Variants in TCF20 observed in about 807,000 individuals in gnomAD.
TCF20 encodes the protein transcription factor 20.
A neutral mutation model predicts 148.6 loss-of-function variants in TCF20; 3 were observed. The ratio of observed to expected loss-of-function variants is 0.02; its 90% confidence interval spans 0.01 to 0.05. The LOEUF (loss-of-function observed/expected upper bound fraction) is 0.05, where lower values mean the gene tolerates loss of function less well. Among genes scored for constraint, TCF20 ranks in the 10% least tolerant of loss-of-function variants. TCF20 has a pLI of 1.00. For missense variants in TCF20, 2,350 were observed against 2,429.3 expected (o/e 0.97, Z 0.69); for synonymous variants, 1,049 against 909.5 (o/e 1.15, Z -2.76).
At position 42,211,957 on chromosome 22, in the gene TCF20, C is replaced by T. The variant is rs1742234515; in HGVS notation, c.3349G>A (p.Glu1117Lys). The T allele has an allele frequency of 6.2e-7, 1 of 1,614,088 alleles. No individual in the cohort carries two copies. Among genetic ancestry groups the T allele is most frequent in the Admixed American group, 1.7e-5 (1 of 60,000 alleles). The change falls in exon 2 of 6, where the codon GAG becomes AAG. Residue 1117 changes from glutamate (E) to lysine (K), a missense_variant. By Grantham distance (56) the Glu-to-Lys change is moderately conservative. Transcript: ENST00000677622. ...TGCCTTGGACTCTTCCGTGGCCCCT[C>T]CTGCCTGTGCTGTGCTGCAGCAATT... is the stretch of plus-strand genomic sequence containing the variant. Reference protein sequence around the residue: ...GVIAAAQHRQEGPRKSPRQQQ... With the variant: ...GVIAAAQHRQKGPRKSPRQQQ...
At chr22:42,233,588 A>G (rs1421311273) in intron 1 of TCF20, among the ~76,000 whole-genome samples, 1 of 152,242 alleles carries the variant, frequency 6.6e-6, no homozygotes, top group Non-Finnish European at 1.5e-5. Context: ...GCATTACCAG[A>G]GTTATCTACC....
At chr22:42,264,491 A>T (rs1273494712) in intron 1 of TCF20, among the ~76,000 whole-genome samples, 1 of 152,202 alleles carries the variant, frequency 6.6e-6, no homozygotes, top group African/African-American at 2.4e-5. Context: ...TCACAAACCA[A>T]AAAGATATAA....
chr22:42,294,474 G>A (rs1385661450), intron 1 of TCF20, among the ~76,000 whole-genome samples: 1 of 152,202 alleles, frequency 6.6e-6, no homozygotes, highest in African/African-American at 2.4e-5. Flanking sequence ...CGTGGCAGAG[G>A]CAGGGAAGTC....
intron 2 of TCF20, 99 bp downstream of exon 2, chr22:42,209,552 T>G: frequency 1.5e-6 from 2 of 1,375,916 alleles, no homozygotes; most frequent in Non-Finnish European, 2.0e-6. Context: ...CACTTTAATT[T>G]GGAGGAATAA....
rs200904088 is a variant in TCF20 at position 42,211,015 on chromosome 22, G to C, written c.4291C>G (p.Pro1431Ala). The C allele has an allele frequency of 1.3e-5, 21 of 1,614,104 alleles. No individual in the cohort carries two copies. The African/African-American group carries it at 2.4e-4, about 18-fold the overall frequency. ...CCACGCCACTCTTCTGAAGACCTTG[G>C]AAGAGGTTTCTCTACGTGCAACTCC... ...NQELHVEKPL[P>A]RSSEEWRGSV... The change falls in exon 2 of 6, where the codon CCA (proline) becomes GCA (alanine). Residue 1431 changes from proline (P) to alanine (A), a missense_variant. By Grantham distance (27) the Pro-to-Ala change is conservative (BLOSUM62 -1). This residue lies in a region of TCF20 where 231 missense variants were observed against 213.7 expected (regional missense o/e 1.08). Coordinates refer to ENST00000677622, the MANE Select transcript of TCF20 (RefSeq NM_001378418.1).
Position 42,279,076 on chromosome 22 carries a change from ACTT to A in TCF20, c.-37+4748_-37+4750del, listed in dbSNP as rs1926844640. Reference sequence around the variant, plus strand: ...ATGATGACAGACATGCATGGTAACCACTTCTTCACAAGTTTTGTGTCTCCCCAG... The same window carrying A: ...ATGATGACAGACATGCATGGTAACCACTTCACAAGTTTTGTGTCTCCCCAG... On this transcript the variant is annotated intron_variant, in intron 1 of 5. Transcript: ENST00000359486. This position sits in a 1 kb window ranked among gnomAD's most constrained non-coding sequence, Gnocchi z 4.3. Among the ~76,000 whole-genome samples the A allele has an allele frequency of 6.6e-6, 1 of 151,950 alleles. No homozygotes were observed. Among genetic ancestry groups the A allele is most frequent in the South Asian group, 2.1e-4 (1 of 4,820 alleles).
chr22:42,232,461 G>A (rs1236548102), intron 1 of TCF20, among the ~76,000 whole-genome samples: 2 of 151,958 alleles, frequency 1.3e-5, no homozygotes, highest in Non-Finnish European at 2.9e-5. Context: ...TTAGAAAGAC[G>A]ACTGATATTC....
intron 2 of TCF20, among the ~76,000 whole-genome samples, chr22:42,195,641 A>C (rs1465370112): frequency 2.0e-5 from 3 of 151,892 alleles, no homozygotes; most frequent in Non-Finnish European, 2.9e-5. Context: ...TTGGGATTAC[A>C]GGTGCCCACC....
Position 42,317,662 on chromosome 22 carries a change from G to C in TCF20, c.-37+25817C>G, listed in dbSNP as rs370843461. Among the ~76,000 whole-genome samples, 23 of 152,340 alleles carry C rather than the reference G, an allele frequency of 1.5e-4. No individual in the cohort carries two copies. In the East Asian group the frequency reaches 3.5e-3, roughly 23 times the overall value. ...CCCGCTGGGGGCTGGGGGGGAAAGG[G>C]GTGTAGACTCAGCCGCAGGACAGCG... is the stretch of plus-strand genomic sequence containing the variant. On this transcript the variant is annotated intron_variant, in intron 1 of 1. Transcript: ENST00000515426. This position sits in a 1 kb window ranked among gnomAD's most constrained non-coding sequence, Gnocchi z 4.2.
chr22:42,286,849 A>AT (rs1927041494), upstream of TCF20, among the ~76,000 whole-genome samples: 2 of 152,238 alleles, frequency 1.3e-5, no homozygotes, highest in South Asian at 2.1e-4. Context: ...TAGATAAGGA[A>AT]TAGATGTGGG....
chr22:42,213,312 C>T lies in TCF20; in HGVS notation c.1994G>A (p.Gly665Glu). Residue 665 changes from glycine to glutamate, a missense_variant, in exon 2 of 6, where the codon GGA becomes GAA. Physicochemically the swap from Gly to Glu is moderately conservative, Grantham distance 98. This residue lies in a region of TCF20 where 1,641 missense variants were observed against 1,662.6 expected (regional missense o/e 0.99). Coordinates refer to ENST00000677622, the MANE Select transcript of TCF20 (RefSeq NM_001378418.1). ...GGAGTTGTTATCGCCATTCTTGTTT[C>T]CTTTGCTCCCTCCTCCTCCTGGAGG... ...PEPPGGGGSKGNKNGDNNSNH... is the reference protein window; with the variant it reads ...PEPPGGGGSKENKNGDNNSNH... 1 of 1,614,186 alleles carries T rather than the reference C, an allele frequency of 6.2e-7. No individual in the cohort carries two copies.
intron 1 of TCF20, among the ~76,000 whole-genome samples, chr22:42,307,074 G>C (rs963298985): frequency 2.0e-5 from 3 of 151,640 alleles, no homozygotes; most frequent in Admixed American, 6.6e-5. Context: ...ACTGAGAGGA[G>C]GGGCAGCCAG....
chr22:42,205,430 A>G (rs552356206), intron 2 of TCF20, among the ~76,000 whole-genome samples: 1 of 152,160 alleles, frequency 6.6e-6, no homozygotes, highest in African/African-American at 2.4e-5. Context: ...TTAATATAAC[A>G]TCGTGCTTGT....
chr22:42,294,439 G>C (rs1201388677), intron 1 of TCF20, among the ~76,000 whole-genome samples: 3 of 152,184 alleles, frequency 2.0e-5, no homozygotes, highest in Admixed American at 2.0e-4. Flanking sequence ...CGGGAGGGAG[G>C]CCAGGGAAGG....
At chr22:42,232,795 T>C (rs1203220570) in intron 1 of TCF20, among the ~76,000 whole-genome samples, 3 of 119,368 alleles carry the variant, frequency 2.5e-5, no homozygotes, top group East Asian at 2.4e-4. Context: ...CAAGACTCCG[T>C]CTCCAAAAAG....
At chr22:42,206,565 C>A (rs1938401893) in intron 2 of TCF20, among the ~76,000 whole-genome samples, 1 of 152,152 alleles carries the variant, frequency 6.6e-6, no homozygotes, top group African/African-American at 2.4e-5. Context: ...ATGTTACATC[C>A]TCCTAGGATC....
intron 1 of TCF20, among the ~76,000 whole-genome samples, chr22:42,249,943 G>T (rs1925227030): frequency 6.6e-6 from 1 of 151,958 alleles, no homozygotes; most frequent in Non-Finnish European, 1.5e-5. Flanking sequence ...GACTTCATGT[G>T]TAAGCTCTGG....
intron 2 of TCF20, among the ~76,000 whole-genome samples, chr22:42,189,246 T>C (rs955976341): frequency 2.6e-5 from 4 of 152,180 alleles, no homozygotes; most frequent in Non-Finnish European, 4.4e-5. Context: ...TGCTGACACA[T>C]GGCCAGGGGG....
In TCF20 at chr22:42,219,355, C is replaced by CAAAAAAAAAAAAA. The variant is rs528664836; in HGVS notation, c.-36-4027_-36-4015dup. ...ACCCTGGGTGACAGTAACCCTGTCT[C>CAAAAAAAAAAAAA]AAAAAAAAAAAAAAAAAAAAAAAAA... On this transcript the variant is annotated intron_variant, in intron 1 of 5. Coordinates refer to ENST00000677622, the MANE Select transcript of TCF20 (RefSeq NM_001378418.1). 4.2e-3 allele frequency among the ~76,000 whole-genome samples: 182 copies of CAAAAAAAAAAAAA among 43,534 alleles called. 18 individuals carry two copies. Among genetic ancestry groups the CAAAAAAAAAAAAA allele is most frequent in the African/African-American group, 0.014 (142 of 10,164 alleles). 28.6% of individuals were successfully genotyped at this position (43,534 alleles called of 152,430 possible).
Sources: gnomAD v4.1 joint callset for allele counts (sites outside exome capture counted in the v4.1 genomes callset) on GRCh38, gnomAD v4.1.1 for gene constraint, gnomAD v4.1.1 regional missense constraint, Gnocchi (gnomAD v3.1) non-coding constraint, MANE v1.5 for transcripts, NCBI Gene and HGNC (gene_info 2026-07-23, HGNC 2026-07-21) for gene names.